The following ZDHHC11B variants were observed in gnomAD, a reference collection of about 807,000 sequenced individuals.
ZDHHC11B encodes the protein zDHHC palmitoyltransferase 11B (putative), also known as probable palmitoyltransferase ZDHHC11B.
Under a neutral mutation model 42.3 loss-of-function variants are expected in ZDHHC11B, and 17 were observed. The observed-to-expected ratio is 0.40, with a 90% CI of 0.27 to 0.60. ZDHHC11B has a LOEUF of 0.60. Ranked by LOEUF, ZDHHC11B falls within the 20% of genes least tolerant of loss-of-function variation. The probability of loss-of-function intolerance (pLI) is 0.41; values close to 1 mark genes in which losing one functional copy is unlikely to be tolerated. For synonymous variants in ZDHHC11B, 123 were observed against 193.5 expected (o/e 0.64, Z 3.02); for missense variants, 262 against 463.2 (o/e 0.57, Z 3.99).
intron 12 of ZDHHC11B, among the ~76,000 whole-genome samples, chr5:717,679 C>T (rs539259993): frequency 1.3e-5 from 2 of 151,878 alleles, no homozygotes; most frequent in African/African-American, 2.4e-5. Flanking sequence ...AGAGGGAAAC[C>T]TTTCTTGGAT....
chr5:778,061 G>C (rs1362923198), intron 1 of ZDHHC11B, among the ~76,000 whole-genome samples: 2 of 151,982 alleles, frequency 1.3e-5, no homozygotes, highest in Non-Finnish European at 2.9e-5. Context: ...GCCACCGTAG[G>C]ACAGAGGGGC....
intron 13 of ZDHHC11B, among the ~76,000 whole-genome samples, chr5:713,150 C>G (rs1302311245): frequency 2.0e-5 from 3 of 151,516 alleles, no homozygotes; most frequent in Non-Finnish European, 4.4e-5. Flanking sequence ...AGCCTTCAAA[C>G]TGTATTCTCA....
intron 9 of ZDHHC11B, among the ~76,000 whole-genome samples, chr5:744,731 C>G (rs898110412): frequency 6.8e-6 from 1 of 147,970 alleles, no homozygotes; most frequent in Admixed American, 6.9e-5. Context: ...ATTAGTGGGG[C>G]GTAGTGGCAT....
intron 6 of ZDHHC11B, among the ~76,000 whole-genome samples, chr5:754,257 C>G (rs10069912): frequency 0.018 from 1,865 of 101,874 alleles, 7 homozygotes; most frequent in Middle Eastern, 0.033. Flanking sequence ...TCAGGGGAAA[C>G]ACCTCTCGTC....
At chr5:725,203 C>A (rs1209897534) in intron 12 of ZDHHC11B, among the ~76,000 whole-genome samples, 1 of 150,716 alleles carries the variant, frequency 6.6e-6, no homozygotes, top group Non-Finnish European at 1.5e-5. Context: ...CAGAGGAGGC[C>A]ATCGGAGAAC....
At chr5:767,060 C>G in intron 3 of ZDHHC11B, 141 bp from the exon 4 acceptor site, 1 of 1,102,674 alleles carries the variant, frequency 9.1e-7, no homozygotes, top group Non-Finnish European at 1.3e-6. Flanking sequence ...TTGCCTGGGG[C>G]CACGTTCCCC....
At chr5:746,240 C>T (rs1268554120) in intron 8 of ZDHHC11B, among the ~76,000 whole-genome samples, 6 of 146,604 alleles carry the variant, frequency 4.1e-5, no homozygotes, top group East Asian at 2.2e-4. Context: ...GAGACTGGGG[C>T]GGCCGCCCAC....
At position 715,294 on chromosome 5, in the gene ZDHHC11B, T is replaced by C. The variant is rs1741667410; in HGVS notation, c.*7+1507A>G. ...TCAGTTTTTGCAGATTATTTGCAAG[T>C]TGATGCTTCGGCCAAGCGTCCAGCT... On this transcript the variant is annotated intron_variant, in intron 13 of 13. Coordinates refer to ENST00000508859, the MANE Select transcript of ZDHHC11B (RefSeq NM_001351303.2). Among the ~76,000 whole-genome samples, 2 of 150,234 alleles carry C rather than the reference T, an allele frequency of 1.3e-5. 1 individual carries two copies. The highest frequency in any genetic ancestry group is 4.9e-5 in the African/African-American group (2 of 40,454).
At chr5:778,831 C>G (rs542353080) in intron 1 of ZDHHC11B, among the ~76,000 whole-genome samples, 4 of 152,022 alleles carry the variant, frequency 2.6e-5, no homozygotes, top group African/African-American at 9.7e-5. Context: ...GAATTCGTCC[C>G]CTCCAAAATC....
At chr5:719,671 G>C (rs145633597) in intron 12 of ZDHHC11B, among the ~76,000 whole-genome samples, 1 of 151,340 alleles carries the variant, frequency 6.6e-6, no homozygotes, top group East Asian at 1.9e-4. Context: ...AGCTTGAAAG[G>C]TTTGTTAGAC....
chr5:714,871 C>G (rs1741631028), intron 13 of ZDHHC11B, among the ~76,000 whole-genome samples: 1 of 151,348 alleles, frequency 6.6e-6, no homozygotes, highest in African/African-American at 2.4e-5. Flanking sequence ...TTAATGCCCT[C>G]CCTCTGAAGG....
At position 766,803 on chromosome 5, in the gene ZDHHC11B, G is replaced by C; in HGVS notation, c.117C>G (p.His39Gln). 1 of 1,612,738 alleles carries C rather than the reference G, an allele frequency of 6.2e-7. No homozygotes were observed. Among genetic ancestry groups the C allele is most frequent in the Non-Finnish European group, 8.5e-7 (1 of 1,179,246 alleles). Reference protein sequence around the residue: ...SRVNGWSLPLHYFRVVTWAVF... With the variant: ...SRVNGWSLPLQYFRVVTWAVF... ...CAGCCCAAGTCACCACCCGGAAGTA[G>C]TGCAGGGGTAACGACCAGCCGTTCA... The change falls in exon 4 of 14, where the codon CAC becomes CAG. Residue 39 changes from histidine (H) to glutamine (Q), a missense_variant. By Grantham distance (24) the His-to-Gln change is conservative. Transcript: ENST00000508859.
chr5:761,860 C>T (rs1300287213), intron 4 of ZDHHC11B, among the ~76,000 whole-genome samples: 1 of 152,032 alleles, frequency 6.6e-6, no homozygotes, highest in Admixed American at 6.6e-5. Flanking sequence ...TCTCACAGAC[C>T]AGACAGCCAC....
At chr5:713,113 C>G (rs1741492210) in intron 13 of ZDHHC11B, among the ~76,000 whole-genome samples, 1 of 150,954 alleles carries the variant, frequency 6.6e-6, no homozygotes, top group South Asian at 2.1e-4. Flanking sequence ...TCTCTCTTTT[C>G]TCTTTCTGGG....
intron 9 of ZDHHC11B, 126 bp downstream of exon 9, chr5:745,057 A>T: frequency 2.0e-6 from 2 of 1,022,832 alleles, no homozygotes; most frequent in South Asian, 3.1e-5. Context: ...ACAGACACAC[A>T]CACAGCAGAG....
intron 6 of ZDHHC11B, among the ~76,000 whole-genome samples, chr5:754,024 C>A (rs1417399510): frequency 7.3e-6 from 1 of 137,666 alleles, no homozygotes. Context: ...AGGGGAAACA[C>A]CTCTCATCTA....
In ZDHHC11B at chr5:758,977, G is replaced by A. The variant is rs141000025; in HGVS notation, c.223-2833C>T. 3.2e-4 allele frequency among the ~76,000 whole-genome samples: 49 copies of A among 151,940 alleles called. No homozygotes were observed. The East Asian group carries it at 5.8e-3, about 18-fold the overall frequency. On this transcript the variant is annotated intron_variant, in intron 4 of 13. Coordinates refer to ENST00000508859, the MANE Select transcript of ZDHHC11B (RefSeq NM_001351303.2). ...CTCGGGTAACCCTTCCTGAGCTGGCGGGGAGCCCCGGGATAGAGATGACAC... is the reference window on the plus strand; with the variant it reads ...CTCGGGTAACCCTTCCTGAGCTGGCAGGGAGCCCCGGGATAGAGATGACAC...
rs1741367110 is a variant in ZDHHC11B at position 711,466 on chromosome 5, T to G, written c.*824A>C. 6.7e-6 allele frequency: 1 copy of G among 149,166 alleles called. No individual in the cohort carries two copies. The highest frequency in any genetic ancestry group is 1.5e-5 in the Non-Finnish European group (1 of 68,066). The allele number at this position is 149,166 out of a possible 1,614,324, so 9.2% of individuals were successfully genotyped here. ...GCTCCCATTTCCCAGTGCTGTATAC[T>G]CCTATTTCCCAGTGCCATGTGCTTC... is the stretch of plus-strand genomic sequence containing the variant. On this transcript the variant is annotated 3_prime_UTR_variant, in exon 14 of 14. Coordinates refer to ENST00000508859, the MANE Select transcript of ZDHHC11B (RefSeq NM_001351303.2).
chr5:748,516 G>T lies in ZDHHC11B; in HGVS notation c.672C>A (p.Phe224Leu). 1 of 1,365,266 alleles carries T rather than the reference G, an allele frequency of 7.3e-7. No homozygotes were observed. Among genetic ancestry groups the T allele is most frequent in the East Asian group, 3.5e-5 (1 of 28,978 alleles). The allele number at this position is 1,365,266 out of a possible 1,614,324, so 84.6% of individuals were successfully genotyped here. Residue 224 changes from phenylalanine to leucine, a missense_variant, in exon 8 of 14, where the codon TTC becomes TTA. Physicochemically the swap from Phe to Leu is conservative, Grantham distance 22. Around this residue, in one of 5 missense-constraint regions of ZDHHC11B, gnomAD observed 57 missense variants for 103.3 expected, o/e 0.55. Transcript: ENST00000508859. ...MNTWLLFLPL[F>L]PVQVQTLIVV... The stretch of plus-strand genomic sequence containing the variant: ...CTATCAGAGTCTGCACCTGCACCGG[G>T]AACAGGGGGAGGAACAGCAGCCACG...
Sources: gnomAD v4.1 joint callset for allele counts (sites outside exome capture counted in the v4.1 genomes callset) on GRCh38, gnomAD v4.1.1 for gene constraint, gnomAD v4.1.1 regional missense constraint, MANE v1.5 for transcripts, NCBI Gene and HGNC (gene_info 2026-07-23, HGNC 2026-07-21) for gene names.